Variants in TUSC3 observed in about 807,000 individuals in gnomAD.
The protein encoded by TUSC3 is tumor suppressor candidate 3, also known as dolichyl-diphosphooligosaccharide--protein glycosyltransferase subunit TUSC3.
TUSC3 carries 45 observed loss-of-function variants against 44.8 expected under a neutral mutation model. That is an observed-to-expected ratio of 1.00 (90% CI 0.79 to 1.29). The LOEUF is 1.29. TUSC3 is among the 50% of genes most tolerant of loss of function. The pLI, the probability that TUSC3 is intolerant of heterozygous loss-of-function variation, is 0.00. For synonymous variants in TUSC3, 212 were observed against 152.9 expected (o/e 1.39, Z -2.85); for missense variants, 519 against 437.9 (o/e 1.19, Z -1.65).
Position 15,570,954 on chromosome 8 carries a change from GTTTTT to G in TUSC3, c.138+30402_138+30406del, listed in dbSNP as rs549277334. Among the ~76,000 whole-genome samples, 18 of 44,496 alleles carry G rather than the reference GTTTTT, an allele frequency of 4.0e-4. 2 individuals carry two copies. In the East Asian group the frequency reaches 0.014, roughly 34 times the overall value. 29.2% of individuals were successfully genotyped at this position (44,496 alleles called of 152,430 possible). A position where few individuals can be genotyped will look rare whatever the true frequency, so the allele number is the denominator to read the frequency against. On this transcript the variant is annotated intron_variant, in intron 1 of 10. Transcript: ENST00000503731. ...TTGCTTTCTATTCCATTGCCTATTA[GTTTTT>G]TTTTTTTTTTTTTTTGAGATTGAGT...
At chr8:15,670,474 G>A (rs910234786) in intron 5 of TUSC3, among the ~76,000 whole-genome samples, 10 of 151,682 alleles carry the variant, frequency 6.6e-5, no homozygotes, top group African/African-American at 1.9e-4. Context: ...AAATATTGCC[G>A]AGCCAACTGG....
At chr8:15,802,227 TCCCACCCACA>T in the TUSC3 span, among the ~76,000 whole-genome samples, 1 of 152,064 alleles carries the variant, frequency 6.6e-6, no homozygotes, top group Non-Finnish European at 1.5e-5. Flanking sequence ...CTGGGTGAAA[TCCCACCCACA>T]TTATGGGCAT....
chr8:15,686,479 T>G (rs925874341), intron 6 of TUSC3, among the ~76,000 whole-genome samples: 23 of 152,080 alleles, frequency 1.5e-4, no homozygotes, highest in Admixed American at 1.5e-3. Context: ...GTCTAAAATT[T>G]ATCATCGAGG....
intron 5 of TUSC3, among the ~76,000 whole-genome samples, chr8:15,669,425 G>A (rs1375040877): frequency 1.3e-5 from 2 of 151,674 alleles, no homozygotes; most frequent in South Asian, 2.1e-4. Flanking sequence ...AAAATCTGAC[G>A]GGGACATTTA....
intron 2 of TUSC3, among the ~76,000 whole-genome samples, chr8:15,634,253 T>G (rs1407923676): frequency 1.3e-5 from 2 of 152,190 alleles, no homozygotes; most frequent in Non-Finnish European, 2.9e-5. Flanking sequence ...AAACCCAGGT[T>G]GGCAGTGCCT....
the TUSC3 span, among the ~76,000 whole-genome samples, chr8:15,842,479 C>G: frequency 2.6e-5 from 4 of 152,130 alleles, no homozygotes; most frequent in Non-Finnish European, 4.4e-5. Flanking sequence ...TGACAGTTAA[C>G]AAAGGTTTCT....
intron 1 of TUSC3, among the ~76,000 whole-genome samples, chr8:15,542,226 A>T (rs976689558): frequency 6.6e-6 from 1 of 152,082 alleles, no homozygotes; most frequent in Non-Finnish European, 1.5e-5. Context: ...AAATTTTCTG[A>T]TTGGCAATTG....
chr8:15,534,451 A>G (rs923007329), intron 2 of TUSC3, among the ~76,000 whole-genome samples: 2 of 151,940 alleles, frequency 1.3e-5, no homozygotes, highest in Non-Finnish European at 2.9e-5. Context: ...AGACCATCCA[A>G]ACTAACACGG....
At chr8:15,567,859 A>T (rs1802732945) in intron 1 of TUSC3, among the ~76,000 whole-genome samples, 1 of 152,196 alleles carries the variant, frequency 6.6e-6, no homozygotes, top group African/African-American at 2.4e-5. Flanking sequence ...GCACTAAAAA[A>T]TTACTAAGAT....
At chr8:15,537,120 G>A (rs1232249850), upstream of TUSC3, among the ~76,000 whole-genome samples, 5 of 145,996 alleles carry the variant, frequency 3.4e-5, no homozygotes. Flanking sequence ...GGTCTCTTAA[G>A]AAACATGTTA....
intron 2 of TUSC3, among the ~76,000 whole-genome samples, chr8:15,649,452 C>T (rs1392334997): frequency 1.3e-5 from 2 of 152,092 alleles, no homozygotes; most frequent in Admixed American, 6.5e-5. Context: ...GGCTTGGTGG[C>T]GGGCGCCTGT....
At chr8:15,663,372 G>C (rs903774129) in intron 5 of TUSC3, among the ~76,000 whole-genome samples, 1 of 151,656 alleles carries the variant, frequency 6.6e-6, no homozygotes, top group Non-Finnish European at 1.5e-5. Flanking sequence ...ATAACAGATT[G>C]TTTACAGCTA....
chr8:15,563,054 A>G (rs528543400), intron 1 of TUSC3, among the ~76,000 whole-genome samples: 2 of 152,208 alleles, frequency 1.3e-5, no homozygotes, highest in African/African-American at 4.8e-5. Context: ...ATGCCTACTA[A>G]AGTGGGCAAG....
At chr8:15,793,751 G>C in the TUSC3 span, among the ~76,000 whole-genome samples, 2 of 152,200 alleles carry the variant, frequency 1.3e-5, no homozygotes, top group Non-Finnish European at 2.9e-5. Context: ...TCCCCAAAAT[G>C]TGGAACAACA....
At chr8:15,457,157 G>C (rs1008546487) in intron 1 of TUSC3, among the ~76,000 whole-genome samples, 1 of 139,384 alleles carries the variant, frequency 7.2e-6, no homozygotes, top group African/African-American at 2.6e-5. Context: ...TCACACACTG[G>C]GGCCTGTTGT....
upstream of TUSC3, among the ~76,000 whole-genome samples, chr8:15,538,314 A>T (rs1047307667): frequency 2.0e-5 from 3 of 152,206 alleles, no homozygotes; most frequent in African/African-American, 7.2e-5. Flanking sequence ...CTGCAGATTT[A>T]TGAATTGTTG....
intron 1 of TUSC3, among the ~76,000 whole-genome samples, chr8:15,448,013 AT>A (rs969553698): frequency 1.3e-5 from 2 of 150,772 alleles, no homozygotes; most frequent in African/African-American, 4.9e-5. Context: ...TAAGTAATCA[AT>A]AGCCAGGCAT....
the TUSC3 span, among the ~76,000 whole-genome samples, chr8:15,823,796 A>G: frequency 9.8e-6 from 1 of 101,854 alleles, no homozygotes; most frequent in Non-Finnish European, 2.6e-5. Context: ...TGGCAAGTTC[A>G]GTGAGTTAAC....
chr8:15,600,596 G>C (rs1414085171), intron 1 of TUSC3, among the ~76,000 whole-genome samples: 1 of 151,584 alleles, frequency 6.6e-6, no homozygotes. Context: ...AAAATAAATT[G>C]GATGGGAGAT....
Sources: allele counts gnomAD v4.1 joint callset (sites outside exome capture counted in the v4.1 genomes callset), GRCh38; gene constraint gnomAD v4.1.1; transcripts MANE v1.5; gene names NCBI Gene and HGNC (gene_info 2026-07-23, HGNC 2026-07-21).